Variants in TET3 observed in about 807,000 individuals in gnomAD.
The protein encoded by TET3 is methylcytosine dioxygenase TET3.
Under a neutral mutation model 141.4 loss-of-function variants are expected in TET3, and 19 were observed. That is an observed-to-expected ratio of 0.13 (90% CI 0.09 to 0.20). The LOEUF (loss-of-function observed/expected upper bound fraction) is 0.20, where lower values mean the gene tolerates loss of function less well. Among genes scored for constraint, TET3 ranks in the 10% least tolerant of loss-of-function variants. TET3 has a pLI of 1.00. For missense variants in TET3, 1,874 were observed against 2,356.9 expected (o/e 0.80, Z 4.24); for synonymous variants, 1,043 against 980.9 (o/e 1.06, Z -1.18).
chr2:74,047,600 C>CCCA lies in TET3; in HGVS notation c.1687_1689dup (p.Pro563dup), dbSNP rs1558744807. The CCCA allele has an allele frequency of 6.2e-7, 1 of 1,613,844 alleles. No homozygotes were observed. The highest frequency in any genetic ancestry group is 8.5e-7 in the Non-Finnish European group (1 of 1,179,840). On this transcript the variant is annotated inframe_insertion, in exon 4 of 12. Coordinates refer to ENST00000409262, the MANE Select transcript of TET3 (RefSeq NM_001287491.2). ...AGCCTTCTGCTCCTGGCTGGTGGCC[C>CCCA]CCACCAAGTTCACCTGTCCCACGGC...
At chr2:74,039,339 T>C (rs1687225930) in intron 3 of TET3, among the ~76,000 whole-genome samples, 1 of 152,216 alleles carries the variant, frequency 6.6e-6, no homozygotes, top group Non-Finnish European at 1.5e-5. Flanking sequence ...TTCTTTGAGA[T>C]AAAACCTTCC....
intron 3 of TET3, among the ~76,000 whole-genome samples, chr2:74,023,183 A>G (rs1488106303): frequency 2.6e-5 from 4 of 152,198 alleles, no homozygotes; most frequent in Admixed American, 2.6e-4. Flanking sequence ...TGACCATCAG[A>G]GGTACCTCAT....
At position 74,083,142 on chromosome 2, in the gene TET3, C is replaced by T. The variant is rs756767807; in HGVS notation, c.2679+2551C>T. Among the ~76,000 whole-genome samples, 14 of 152,142 alleles carry T rather than the reference C, an allele frequency of 9.2e-5. No homozygotes were observed. The Middle Eastern group carries it at 0.01, about 111-fold the overall frequency. On this transcript the variant is annotated intron_variant, in intron 6 of 11. Coordinates refer to ENST00000409262, the MANE Select transcript of TET3 (RefSeq NM_001287491.2). ...CAGCAAATGTGTGTTGAGAGGATGA[C>T]CTAGGAAGCAGTGGGTCAGCCCAGA...
chr2:74,086,191 A>T (rs1690148716), intron 6 of TET3, among the ~76,000 whole-genome samples: 1 of 151,972 alleles, frequency 6.6e-6, no homozygotes. Flanking sequence ...ACAGGCCCTC[A>T]CATCTTATCT....
At chr2:73,994,638 CTTTTTTTT>C (rs572235939) in intron 2 of TET3, among the ~76,000 whole-genome samples, 1 of 96,750 alleles carries the variant, frequency 1.0e-5, no homozygotes, top group Non-Finnish European at 1.9e-5. Flanking sequence ...TTCTTTCTTT[CTTTTTTTT>C]TTTTTTTTTT....
chr2:74,119,475 A>C, the TET3 span, among the ~76,000 whole-genome samples: 2 of 152,162 alleles, frequency 1.3e-5, no homozygotes, highest in Non-Finnish European at 2.9e-5. Context: ...CCTATTAGAA[A>C]TACTACCCAG....
chr2:74,062,029 C>T (rs572688313), intron 4 of TET3, among the ~76,000 whole-genome samples: 250 of 152,122 alleles, frequency 1.6e-3, no homozygotes, highest in African/African-American at 5.8e-3. Flanking sequence ...GGCGGCCGGG[C>T]AGAGGCTGCA....
At chr2:74,074,492 A>C (rs1689381600) in intron 5 of TET3, among the ~76,000 whole-genome samples, 1 of 152,244 alleles carries the variant, frequency 6.6e-6, no homozygotes, top group South Asian at 2.1e-4. Flanking sequence ...CAGTTCATGC[A>C]GATGGAGACT....
At chr2:74,000,976 G>A (rs1296415551) in intron 2 of TET3, among the ~76,000 whole-genome samples, 2 of 152,168 alleles carry the variant, frequency 1.3e-5, no homozygotes, top group Non-Finnish European at 2.9e-5. Context: ...CTGTATGGGG[G>A]GTAGGTGTGA....
At chr2:73,991,933 C>T (rs1430699997) in intron 2 of TET3, among the ~76,000 whole-genome samples, 1 of 151,606 alleles carries the variant, frequency 6.6e-6, no homozygotes, top group Non-Finnish European at 1.5e-5. Context: ...GGGCTGTTCT[C>T]TAGTGAGTGA....
At chr2:74,051,095 G>A (rs1293437635) in intron 4 of TET3, among the ~76,000 whole-genome samples, 1 of 152,180 alleles carries the variant, frequency 6.6e-6, no homozygotes, top group African/African-American at 2.4e-5. Flanking sequence ...AGGCAGAAAG[G>A]CTTTCCAGAC....
At position 74,102,705 on chromosome 2, in the gene TET3, G is replaced by T. The variant is rs1691299885; in HGVS notation, c.*529G>T. On this transcript the variant is annotated 3_prime_UTR_variant, in exon 12 of 12. Coordinates refer to ENST00000409262, the MANE Select transcript of TET3 (RefSeq NM_001287491.2). Reference sequence around the variant, plus strand: ...GGCGAGCCAAGCCCCTCGGGCGCTGGCGAGGTCCTCAGCCATCTGCCCCTC... The same window carrying T: ...GGCGAGCCAAGCCCCTCGGGCGCTGTCGAGGTCCTCAGCCATCTGCCCCTC... 2 of 152,174 alleles carry T rather than the reference G, an allele frequency of 1.3e-5. No homozygotes were observed. Among genetic ancestry groups the T allele is most frequent in the African/African-American group, 2.4e-5 (1 of 41,428 alleles). 9.4% of individuals were successfully genotyped at this position (152,174 alleles called of 1,614,324 possible). A position where few individuals can be genotyped will look rare whatever the true frequency, so the allele number is the denominator to read the frequency against.
chr2:74,024,200 A>G (rs1362309631), intron 3 of TET3, among the ~76,000 whole-genome samples: 1 of 152,198 alleles, frequency 6.6e-6, no homozygotes, highest in Non-Finnish European at 1.5e-5. Context: ...TCAGTTAGCA[A>G]GGGCTTGAAG....
chr2:73,988,837 C>T (rs886441629), intron 2 of TET3, among the ~76,000 whole-genome samples: 1 of 151,174 alleles, frequency 6.6e-6, no homozygotes, highest in African/African-American at 2.4e-5. Flanking sequence ...AAGGATAGGT[C>T]CTTTCTACTT....
chr2:73,986,349 C>T lies in TET3; in HGVS notation c.-55C>T, dbSNP rs1183516409. The T allele has an allele frequency of 1.6e-6, 2 of 1,229,004 alleles. No individual in the cohort carries two copies. The highest frequency in any genetic ancestry group is 1.6e-5 in the African/African-American group (1 of 64,368). 76.1% of individuals were successfully genotyped at this position (1,229,004 alleles called of 1,614,324 possible). On this transcript the variant is annotated 5_prime_UTR_variant, in exon 2 of 12. Transcript: ENST00000409262. ...ACCTGTTGGTGGCCTTTGGAGGTGG[C>T]AGGAAACGACTGTGGTTCTGCCCCA...
intron 8 of TET3, among the ~76,000 whole-genome samples, chr2:74,092,214 T>C (rs1690537563): frequency 6.6e-6 from 1 of 152,062 alleles, no homozygotes; most frequent in South Asian, 2.1e-4. Flanking sequence ...GGCAGGAGAA[T>C]TGCTTGAACC....
At chr2:74,033,355 C>T (rs950919750) in intron 3 of TET3, among the ~76,000 whole-genome samples, 1 of 152,170 alleles carries the variant, frequency 6.6e-6, no homozygotes, top group Non-Finnish European at 1.5e-5. Context: ...TTAAATTGGG[C>T]AATATTTTGA....
chr2:74,040,020 A>T (rs1687260761), intron 3 of TET3, among the ~76,000 whole-genome samples: 1 of 152,218 alleles, frequency 6.6e-6, no homozygotes, highest in African/African-American at 2.4e-5. Flanking sequence ...GTCACACAGT[A>T]AGAAGAGCAT....
At position 74,003,166 on chromosome 2, in the gene TET3, G is replaced by A; in HGVS notation, c.360G>A (p.Lys120=). 1 of 1,549,290 alleles carries A rather than the reference G, an allele frequency of 6.5e-7. No individual in the cohort carries two copies. Among genetic ancestry groups the A allele is most frequent in the Non-Finnish European group, 8.7e-7 (1 of 1,146,546 alleles). Residue 120 remains lysine (K), a splice_region_variant and synonymous_variant, in exon 3 of 12, where the codon AAG becomes AAA. Coordinates refer to ENST00000409262, the MANE Select transcript of TET3 (RefSeq NM_001287491.2). ...AGPWGQGAAV[K]TGSELSPVDG... ...CGTGGGGACAAGGAGCGGCTGTCAAGGTACCTTGTGTGTGTGCGTGCGTGT... is the reference window on the plus strand; with the variant it reads ...CGTGGGGACAAGGAGCGGCTGTCAAAGTACCTTGTGTGTGTGCGTGCGTGT...
Sources: allele counts gnomAD v4.1 joint callset (sites outside exome capture counted in the v4.1 genomes callset), GRCh38; gene constraint gnomAD v4.1.1; transcripts MANE v1.5; gene names NCBI Gene and HGNC (gene_info 2026-07-23, HGNC 2026-07-21).